MKLN1: variants seen among roughly 807,000 people sequenced by gnomAD.
The protein encoded by MKLN1 is muskelin 1.
A neutral mutation model predicts 99.0 loss-of-function variants in MKLN1; 18 were observed. The ratio of observed to expected loss-of-function variants is 0.18; its 90% CI spans 0.13 to 0.27. The LOEUF (loss-of-function observed/expected upper bound fraction) is 0.27, where lower values mean the gene tolerates loss of function less well. MKLN1 is among the 10% of genes least tolerant of loss of function. The pLI is 1.00. For synonymous variants in MKLN1, 288 were observed against 293.2 expected, an observed-to-expected ratio of 0.98 and a Z score of 0.18; for missense variants, 621 against 875.9, an observed-to-expected ratio of 0.71 and a Z score of 3.67.
In MKLN1 at chr7:131,279,034, G is replaced by C. The variant is rs138332422; in HGVS notation, c.-179+76060G>C. On this transcript the variant is annotated intron_variant, in intron 3 of 7. Coordinates refer to the MKLN1 transcript ENST00000416992. ...GAGATTAAGTGAAACTTGGAGGTTA[G>C]CCACCTTTCATTCATCCAACATCCA... Among the ~76,000 whole-genome samples the C allele has an allele frequency of 2.8e-3, 421 of 152,346 alleles. 1 individual carries two copies. The highest frequency in any genetic ancestry group is 4.4e-3 in the Non-Finnish European group (297 of 68,030).
chr7:131,450,403 T>C (rs1796144641), intron 12 of MKLN1, among the ~76,000 whole-genome samples: 1 of 152,222 alleles, frequency 6.6e-6, no homozygotes, highest in Non-Finnish European at 1.5e-5. Flanking sequence ...TTTAGATTAG[T>C]GCTAGTGAAG....
At chr7:131,315,019 C>A (rs1047468571) in intron 3 of MKLN1, among the ~76,000 whole-genome samples, 2 of 152,050 alleles carry the variant, frequency 1.3e-5, no homozygotes, top group African/African-American at 4.8e-5. Flanking sequence ...ACTGTGGCCT[C>A]CCGAAGTGGG....
chr7:131,130,844 G>GAGTC (rs1795538661), intron 1 of MKLN1, among the ~76,000 whole-genome samples: 1 of 152,024 alleles, frequency 6.6e-6, no homozygotes, highest in Admixed American at 6.6e-5. Context: ...TTGAGTCCAG[G>GAGTC]AGTCCTAAGA....
chr7:131,314,868 G>A (rs1211802897), intron 3 of MKLN1, among the ~76,000 whole-genome samples: 1 of 151,296 alleles, frequency 6.6e-6, no homozygotes, highest in Non-Finnish European at 1.5e-5. Context: ...CACATTCTGG[G>A]CTTAAATGAT....
chr7:131,291,579 ATT>A (rs1798218101), intron 3 of MKLN1, among the ~76,000 whole-genome samples: 1 of 40,628 alleles, frequency 2.5e-5, no homozygotes, highest in Non-Finnish European at 5.9e-5. Context: ...GCTTTCATTT[ATT>A]ATATATATAT....
Position 131,484,883 on chromosome 7 carries a change from AAGG to A in MKLN1, c.2087-2721_2087-2719del, listed in dbSNP as rs1797230776. Among the ~76,000 whole-genome samples, 2 of 152,058 alleles carry A rather than the reference AAGG, an allele frequency of 1.3e-5. 1 individual carries two copies. Among genetic ancestry groups the A allele is most frequent in the African/African-American group, 4.8e-5 (2 of 41,424 alleles). ...GAGTCAGGGTTTTCTTGGTGGAAGAAAGGAGATATGGAATGGAATAAGAGAAGG... is the reference window on the plus strand; with the variant it reads ...GAGTCAGGGTTTTCTTGGTGGAAGAAAGATATGGAATGGAATAAGAGAAGG... On this transcript the variant is annotated intron_variant, in intron 17 of 17. Coordinates refer to ENST00000352689, the MANE Select transcript of MKLN1 (RefSeq NM_013255.5).
intron 2 of MKLN1, among the ~76,000 whole-genome samples, chr7:131,383,919 C>T (rs568044159): frequency 3.3e-5 from 5 of 152,228 alleles, no homozygotes; most frequent in South Asian, 2.1e-4. Context: ...TCTTTTAATC[C>T]GCTCTCTGTA....
At chr7:131,457,706 A>G (rs998386638) in intron 12 of MKLN1, among the ~76,000 whole-genome samples, 1 of 152,176 alleles carries the variant, frequency 6.6e-6, no homozygotes, top group East Asian at 1.9e-4. Flanking sequence ...ACCTGAGGTC[A>G]GGAGTTCAAG....
intron 3 of MKLN1, among the ~76,000 whole-genome samples, chr7:131,244,092 C>T (rs1488885270): frequency 6.6e-6 from 1 of 151,970 alleles, no homozygotes; most frequent in African/African-American, 2.4e-5. Flanking sequence ...CAAAAGAGGC[C>T]CATTTTTCTA....
At chr7:131,305,588 A>C (rs1221155080) in intron 3 of MKLN1, among the ~76,000 whole-genome samples, 1 of 152,166 alleles carries the variant, frequency 6.6e-6, no homozygotes, top group Non-Finnish European at 1.5e-5. Context: ...TCACTGTACT[A>C]GTTTAAGTAT....
intron 10 of MKLN1, among the ~76,000 whole-genome samples, chr7:131,439,334 A>G (rs1335522620): frequency 1.3e-5 from 2 of 152,074 alleles, no homozygotes; most frequent in Non-Finnish European, 2.9e-5. Flanking sequence ...GGAGTAGCAC[A>G]TAGAGAGTTC....
chr7:131,110,100 T>C (rs926333204), upstream of MKLN1: 2 of 280,178 alleles, frequency 7.1e-6, no homozygotes, highest in Non-Finnish European at 1.4e-5. Context: ...GGGAGGAACC[T>C]GATCCTCCGG....
At chr7:131,321,565 A>G (rs1432367320) in intron 3 of MKLN1, among the ~76,000 whole-genome samples, 2 of 152,214 alleles carry the variant, frequency 1.3e-5, no homozygotes, top group Non-Finnish European at 2.9e-5. Flanking sequence ...CTGCACATGT[A>G]TCGCAGAATT....
chr7:131,126,150 G>A (rs1795454863), intron 1 of MKLN1, among the ~76,000 whole-genome samples: 1 of 152,100 alleles, frequency 6.6e-6, no homozygotes, highest in Admixed American at 6.5e-5. Context: ...TGAAGGACAT[G>A]TACAAAAGGC....
intron 2 of MKLN1, among the ~76,000 whole-genome samples, chr7:131,201,253 C>T (rs1473153900): frequency 6.6e-6 from 1 of 152,208 alleles, no homozygotes; most frequent in African/African-American, 2.4e-5. Context: ...TTCCTGACCT[C>T]AGGTAATCCA....
At chr7:131,174,136 C>A (rs2580811) in intron 2 of MKLN1, among the ~76,000 whole-genome samples, 55,702 of 151,412 alleles carry the variant, frequency 0.37, 10,656 homozygotes, top group East Asian at 0.62. Context: ...CCGCACCCGG[C>A]TAATTTTTTG....
chr7:131,424,170 T>C (rs1795288341), intron 8 of MKLN1, among the ~76,000 whole-genome samples: 1 of 152,152 alleles, frequency 6.6e-6, no homozygotes. Flanking sequence ...CTAAATATTA[T>C]AGAGTTTTAT....
intron 12 of MKLN1, among the ~76,000 whole-genome samples, chr7:131,446,940 A>G (rs1166450680): frequency 6.6e-6 from 1 of 152,240 alleles, no homozygotes; most frequent in Non-Finnish European, 1.5e-5. Flanking sequence ...AAGTAGACTC[A>G]ATAGATATGT....
intron 12 of MKLN1, among the ~76,000 whole-genome samples, chr7:131,456,027 C>T (rs1295164338): frequency 1.4e-5 from 2 of 143,496 alleles, no homozygotes; most frequent in Non-Finnish European, 3.0e-5. Flanking sequence ...GCCTGAGTGA[C>T]AGAGTGAGAC....
Sources: gnomAD v4.1 joint callset for allele counts (sites outside exome capture counted in the v4.1 genomes callset) on GRCh38, gnomAD v4.1.1 for gene constraint, MANE v1.5 for transcripts, NCBI Gene and HGNC (gene_info 2026-07-23, HGNC 2026-07-21) for gene names.